Variants in ADGRB3 observed in about 807,000 individuals in gnomAD.
The protein encoded by ADGRB3 is brain-specific angiogenesis inhibitor 3.
A neutral mutation model predicts 193.4 loss-of-function variants in ADGRB3; 37 were observed. The ratio of observed to expected loss-of-function variants is 0.19; its 90% CI spans 0.15 to 0.25. The LOEUF is 0.25. Among genes scored for constraint, ADGRB3 ranks in the 10% least tolerant of loss-of-function variants. The pLI, the probability that ADGRB3 is intolerant of heterozygous loss-of-function variation, is 1.00. For missense variants in ADGRB3, 1,637 were observed against 1,852.9 expected (o/e 0.88, Z 2.14); for synonymous variants, 690 against 644.2 (o/e 1.07, Z -1.08).
chr6:69,135,967 T>C (rs1259480656), intron 17 of ADGRB3, among the ~76,000 whole-genome samples: 1 of 152,098 alleles, frequency 6.6e-6, no homozygotes, highest in Non-Finnish European at 1.5e-5. Context: ...TGATTTAGCC[T>C]TCACCAGGGA....
At chr6:69,256,412 C>A (rs1439358356) in intron 20 of ADGRB3, among the ~76,000 whole-genome samples, 3 of 152,130 alleles carry the variant, frequency 2.0e-5, no homozygotes, top group African/African-American at 7.2e-5. Context: ...TTGAAGAGGT[C>A]CTTCACGTCC....
chr6:69,312,380 C>G (rs771968108), intron 20 of ADGRB3, among the ~76,000 whole-genome samples: 7 of 151,618 alleles, frequency 4.6e-5, no homozygotes, highest in African/African-American at 1.5e-4. Flanking sequence ...AGATAGTAGG[C>G]TTGAAATATC....
At chr6:69,244,100 T>C (rs1766439563) in intron 20 of ADGRB3, among the ~76,000 whole-genome samples, 1 of 152,016 alleles carries the variant, frequency 6.6e-6, no homozygotes, top group Non-Finnish European at 1.5e-5. Context: ...AATTGTCTCA[T>C]GGTTCTTTAT....
At chr6:68,710,996 T>C (rs1765399245) in intron 3 of ADGRB3, among the ~76,000 whole-genome samples, 2 of 152,102 alleles carry the variant, frequency 1.3e-5, no homozygotes, top group African/African-American at 2.4e-5. Flanking sequence ...AAAAACTTTC[T>C]AGTTCCCTTG....
intron 28 of ADGRB3, among the ~76,000 whole-genome samples, chr6:69,359,336 G>T (rs1409619619): frequency 6.6e-6 from 1 of 150,716 alleles, no homozygotes; most frequent in African/African-American, 2.4e-5. Flanking sequence ...ACTCATTATT[G>T]ATCTATTATA....
chr6:68,712,033 G>A (rs1352388748), intron 3 of ADGRB3, among the ~76,000 whole-genome samples: 1 of 151,692 alleles, frequency 6.6e-6, no homozygotes, highest in Admixed American at 6.6e-5. Flanking sequence ...TTAGGCTATG[G>A]AAACAAAAGA....
intron 26 of ADGRB3, among the ~76,000 whole-genome samples, chr6:69,343,497 A>G (rs981885645): frequency 6.6e-6 from 1 of 152,024 alleles, no homozygotes; most frequent in Admixed American, 6.6e-5. Flanking sequence ...ACTCATTTCA[A>G]ATCAGAAGAA....
chr6:69,173,958 A>C (rs559879754), intron 17 of ADGRB3, among the ~76,000 whole-genome samples: 202 of 152,370 alleles, frequency 1.3e-3, no homozygotes, highest in African/African-American at 4.6e-3. Context: ...CAAGCTCTTC[A>C]TGTAGAAAAT....
chr6:68,794,415 A>T (rs1390024445), intron 3 of ADGRB3, among the ~76,000 whole-genome samples: 1 of 152,106 alleles, frequency 6.6e-6, no homozygotes, highest in Non-Finnish European at 1.5e-5. Flanking sequence ...CTATGGAATC[A>T]ATTTGAAATG....
chr6:68,862,525 T>C (rs1765186911), intron 3 of ADGRB3, among the ~76,000 whole-genome samples: 1 of 152,206 alleles, frequency 6.6e-6, no homozygotes. Flanking sequence ...GAAGGTACTA[T>C]ATTTTACAGA....
chr6:69,368,116 G>T (rs1250273405), intron 29 of ADGRB3, among the ~76,000 whole-genome samples: 1 of 151,890 alleles, frequency 6.6e-6, no homozygotes, highest in Non-Finnish European at 1.5e-5. Context: ...TGCACAATGT[G>T]CACATGTACC....
chr6:68,781,676 A>T (rs1207344641), intron 3 of ADGRB3, among the ~76,000 whole-genome samples: 1 of 152,096 alleles, frequency 6.6e-6, no homozygotes, highest in Non-Finnish European at 1.5e-5. Flanking sequence ...TCAAAAAAAC[A>T]GGCAGGGGAG....
At chr6:68,836,963 ACC>A (rs1768057763) in intron 3 of ADGRB3, among the ~76,000 whole-genome samples, 1 of 152,168 alleles carries the variant, frequency 6.6e-6, no homozygotes, top group Non-Finnish European at 1.5e-5. Context: ...CAAAAAAGTA[ACC>A]TGCCTTTTGA....
chr6:69,118,405 A>T (rs902761701), intron 17 of ADGRB3, among the ~76,000 whole-genome samples: 8 of 152,208 alleles, frequency 5.3e-5, no homozygotes, highest in African/African-American at 1.9e-4. Context: ...TCCTTTTAGA[A>T]TCAAGAAGAT....
At chr6:69,216,133 A>G (rs959324506) in intron 17 of ADGRB3, among the ~76,000 whole-genome samples, 61 of 152,180 alleles carry the variant, frequency 4.0e-4, no homozygotes, top group African/African-American at 1.4e-3. Context: ...CACCTTCCCA[A>G]AATCCTAGTA....
rs1028199266 is a variant in ADGRB3 at position 69,332,553 on chromosome 6, C to G, written c.3103-370C>G. 8.1e-6 allele frequency: 8 copies of G among 985,280 alleles called. No homozygotes were observed. In the African/African-American group the frequency reaches 1.2e-4, roughly 15 times the overall value. The allele number at this position is 985,280 out of a possible 1,614,324, so 61.0% of individuals were successfully genotyped here. A position where few individuals can be genotyped will look rare whatever the true frequency, so the allele number is the denominator to read the frequency against. ...CTCATACTCTAAGATTCAGAATCTCCTGGCTCATGGGCATAGGGTAAAACT... is the reference window on the plus strand; with the variant it reads ...CTCATACTCTAAGATTCAGAATCTCGTGGCTCATGGGCATAGGGTAAAACT... On this transcript the variant is annotated intron_variant, in intron 23 of 31. Transcript: ENST00000370598.
intron 17 of ADGRB3, among the ~76,000 whole-genome samples, chr6:69,176,264 G>A (rs1775420278): frequency 2.0e-5 from 3 of 152,074 alleles, no homozygotes; most frequent in Admixed American, 1.3e-4. Flanking sequence ...TATGATGTTA[G>A]CTGCAAGTTT....
intron 29 of ADGRB3, among the ~76,000 whole-genome samples, chr6:69,368,145 T>G (rs1342113613): frequency 6.6e-6 from 1 of 151,872 alleles, no homozygotes; most frequent in African/African-American, 2.4e-5. Flanking sequence ...TAAAGTATAA[T>G]ATTAAAAAAA....
At chr6:69,287,656 T>A (rs1767581051) in intron 20 of ADGRB3, among the ~76,000 whole-genome samples, 1 of 152,168 alleles carries the variant, frequency 6.6e-6, no homozygotes, top group South Asian at 2.1e-4. Context: ...TGAAAAATGA[T>A]AGAGCCAAGA....
Sources: gnomAD v4.1 joint callset for allele counts (sites outside exome capture counted in the v4.1 genomes callset) on GRCh38, gnomAD v4.1.1 for gene constraint, MANE v1.5 for transcripts, NCBI Gene and HGNC (gene_info 2026-07-23, HGNC 2026-07-21) for gene names.